Variants in GOLGA8M observed in about 807,000 individuals in gnomAD.
The protein encoded by GOLGA8M is golgin subfamily A member 8M.
In GOLGA8M, 34 loss-of-function variants were observed where a neutral mutation model predicts 87.7. The ratio of observed to expected loss-of-function variants is 0.39; its 90% CI spans 0.29 to 0.52. The LOEUF (loss-of-function observed/expected upper bound fraction) is 0.52. Among genes scored for constraint, GOLGA8M ranks in the 20% least tolerant of loss-of-function variants. GOLGA8M has a pLI of 0.80. For missense variants in GOLGA8M, 396 were observed against 682.2 expected, an observed-to-expected ratio of 0.58 and a Z score of 4.67; for synonymous variants, 138 against 250.2, an observed-to-expected ratio of 0.55 and a Z score of 4.23.
chr15:28,711,914 C>T, intron 1 of GOLGA8M: 2 of 985,054 alleles, frequency 2.0e-6, no homozygotes, highest in Non-Finnish European at 2.4e-6. Context: ...CAGGAGTCAC[C>T]AGCCCAAAGT....
rs548419104 is a variant in GOLGA8M at position 28,711,722 on chromosome 15, A to G, written c.48+554T>C. The G allele has an allele frequency of 1.6e-4, 156 of 985,236 alleles. 1 individual carries two copies. The African/African-American group carries it at 2.5e-3, about 16-fold the overall frequency. The allele number at this position is 985,236 out of a possible 1,614,324, so 61.0% of individuals were successfully genotyped here. On this transcript the variant is annotated intron_variant, in intron 1 of 18. Coordinates refer to ENST00000563027, the MANE Select transcript of GOLGA8M (RefSeq NM_001282468.3). ...ACTAGGTGGGCTGTGACATCACAAC[A>G]TTCCACTCCTCCTGGTCGGGGGGAG...
In GOLGA8M at chr15:28,710,007, G is replaced by A. The variant is rs527391659; in HGVS notation, c.169-419C>T. ...TATACAGATGTGAAAAGAGAGGCCC[G>A]ATGAGGTCTAGCAACTTGCCCTAAA... On this transcript the variant is annotated intron_variant, in intron 2 of 18. Coordinates refer to ENST00000563027, the MANE Select transcript of GOLGA8M (RefSeq NM_001282468.3). Among the ~76,000 whole-genome samples, 9 of 143,492 alleles carry A rather than the reference G, an allele frequency of 6.3e-5. 2 individuals carry two copies. Among genetic ancestry groups the A allele is most frequent in the African/African-American group, 1.6e-4 (6 of 38,086 alleles). 94.1% of individuals were successfully genotyped at this position (143,492 alleles called of 152,430 possible). A position where few individuals can be genotyped will look rare whatever the true frequency, so the allele number is the denominator to read the frequency against.
Position 28,705,226 on chromosome 15 carries a change from T to C in GOLGA8M, c.1133A>G (p.Asn378Ser). ...AKPQSVFEEP[N>S]NENKSTLQLE... ...CTGCAGTGTGCTCTTGTTCTCATTG[T>C]TCTGGACAGAGAGAAGCAATCAGCA... Residue 378 changes from asparagine to serine, a missense_variant and splice_region_variant, in exon 13 of 19, where the codon AAC becomes AGC. Coordinates refer to ENST00000563027, the MANE Select transcript of GOLGA8M (RefSeq NM_001282468.3). 6.3e-7 allele frequency: 1 copy of C among 1,597,608 alleles called. No individual in the cohort carries two copies. The highest frequency in any genetic ancestry group is 1.1e-5 in the South Asian group (1 of 90,980).
chr15:28,712,834 G>A (rs1423092318), upstream of GOLGA8M, among the ~76,000 whole-genome samples: 1 of 152,180 alleles, frequency 6.6e-6, no homozygotes, highest in African/African-American at 2.4e-5. Context: ...AAAATTACCA[G>A]TATTATCTTA....
Position 28,705,155 on chromosome 15 carries a change from T to A in GOLGA8M, c.1200+4A>T, listed in dbSNP as rs1034838697. The A allele has an allele frequency of 1.9e-6, 3 of 1,598,366 alleles. No individual in the cohort carries two copies. The highest frequency in any genetic ancestry group is 3.3e-5 in the Admixed American group (2 of 59,992). On this transcript the variant is annotated splice_donor_region_variant and intron_variant, in intron 13 of 18. Coordinates refer to ENST00000563027, the MANE Select transcript of GOLGA8M (RefSeq NM_001282468.3). ...GATGGGGTGGAGGTTTCCGACTCCT[T>A]CACCTCGCCAAGCTTCTCCTGTAGC... is the stretch of plus-strand genomic sequence containing the variant.
At position 28,698,928 on chromosome 15, in the gene GOLGA8M, A is replaced by C. The variant is rs1272805778; in HGVS notation, c.*3026T>G. 7.0e-6 allele frequency among the ~76,000 whole-genome samples: 1 copy of C among 142,696 alleles called. No homozygotes were observed. Among genetic ancestry groups the C allele is most frequent in the Non-Finnish European group, 1.5e-5 (1 of 67,576 alleles). The allele number at this position is 142,696 out of a possible 152,430, so 93.6% of individuals were successfully genotyped here. On this transcript the variant is annotated 3_prime_UTR_variant, in exon 19 of 19. Coordinates refer to ENST00000563027, the MANE Select transcript of GOLGA8M (RefSeq NM_001282468.3). Reference sequence around the variant, plus strand: ...ATTCTAAGAAAACTTGGCAAATAAAACTTTGGACTGGAATTGGCATTTCTT... The same window carrying C: ...ATTCTAAGAAAACTTGGCAAATAAACCTTTGGACTGGAATTGGCATTTCTT...
At position 28,703,134 on chromosome 15, in the gene GOLGA8M, C is replaced by G. The variant is rs1472420915; in HGVS notation, c.1368+185G>C. On this transcript the variant is annotated intron_variant, in intron 15 of 18. Transcript: ENST00000563027. Reference sequence around the variant, plus strand: ...AATGGGGCAGAGAGGTGGAGCGCAGCCCCTTCCCTTGGGCCCCCAGAGACT... The same window carrying G: ...AATGGGGCAGAGAGGTGGAGCGCAGGCCCTTCCCTTGGGCCCCCAGAGACT... Among the ~76,000 whole-genome samples the G allele has an allele frequency of 2.8e-4, 38 of 133,708 alleles. 3 individuals are homozygous for G. The highest frequency in any genetic ancestry group is 3.4e-4 in the Admixed American group (4 of 11,882). The allele number at this position is 133,708 out of a possible 152,430, so 87.7% of individuals were successfully genotyped here.
rs201754884 is a variant in GOLGA8M, at chr15:28,703,925, G to T, written c.1201-8C>A. On this transcript the variant is annotated splice_polypyrimidine_tract_variant and splice_region_variant and intron_variant, in intron 13 of 18. Coordinates refer to ENST00000563027, the MANE Select transcript of GOLGA8M (RefSeq NM_001282468.3). ...GGCAGCTTCCAGGTGCTCCTAAGGG[G>T]CCAGGAAAGAGTGAGAAGGGATGGA... The T allele has an allele frequency of 3.3e-3, 5,224 of 1,589,170 alleles. 25 individuals carry two copies. The highest frequency in any genetic ancestry group is 4.0e-3 in the Non-Finnish European group (4,751 of 1,176,944).
At position 28,702,091 on chromosome 15, in the gene GOLGA8M, C is replaced by T; in HGVS notation, c.1762G>A (p.Glu588Lys). ...TCAAGGAGAGGATCCTCCCTGGCCT[C>T]TCCTTGGGCAGAGGAGGTGAGGCTC... is the stretch of plus-strand genomic sequence containing the variant. ...EVSLTSSAQG[E>K]AREDPLLDKP... The change falls in exon 19 of 19, where the codon GAG becomes AAG. Residue 588 changes from glutamate to lysine, a missense_variant. Glu to Lys is a moderately conservative substitution (Grantham distance 56, BLOSUM62 1). Around this residue, in one of 12 missense-constraint regions of GOLGA8M, gnomAD observed 35 missense variants for 61.4 expected, o/e 0.57. Coordinates refer to ENST00000563027, the MANE Select transcript of GOLGA8M (RefSeq NM_001282468.3). The T allele has an allele frequency of 6.3e-7, 1 of 1,588,980 alleles. No homozygotes were observed. The highest frequency in any genetic ancestry group is 8.5e-7 in the Non-Finnish European group (1 of 1,175,994).
chr15:28,703,631 C>A, intron 14 of GOLGA8M: 2 of 617,790 alleles, frequency 3.2e-6, no homozygotes, highest in Non-Finnish European at 5.5e-6. Flanking sequence ...TGCTCCCTTT[C>A]TGACCTTGGC....
At chr15:28,705,940 G>A (rs2080011329) in intron 11 of GOLGA8M, among the ~76,000 whole-genome samples, 176 bp downstream of exon 11, 2 of 152,034 alleles carry the variant, frequency 1.3e-5, no homozygotes, top group South Asian at 4.2e-4. Flanking sequence ...TTTGCTGATG[G>A]GGACACTGAG....
At position 28,702,679 on chromosome 15, in the gene GOLGA8M, G is replaced by A. The variant is rs746356143; in HGVS notation, c.1435C>T (p.Arg479Cys). ...CTCTCTTGCCAGTATTGAATGAAGC[G>A]AAGTTCTTGTTTCTTCACAAGCTCA... ...LSELVKKQEL[R>C]FIQYWQERCH... The change falls in exon 16 of 19, where the codon CGC (arginine) becomes TGC (cysteine). Residue 479 changes from arginine (R) to cysteine (C), a missense_variant. Transcript: ENST00000563027. 3.0e-5 allele frequency: 48 copies of A among 1,606,370 alleles called. 2 individuals are homozygous for A. Among genetic ancestry groups the A allele is most frequent in the East Asian group, 1.6e-4 (7 of 44,652 alleles).
At chr15:28,712,584 T>TG (rs540094115), upstream of GOLGA8M, among the ~76,000 whole-genome samples, 15,897 of 146,130 alleles carry the variant, frequency 0.11, 546 homozygotes, top group East Asian at 0.43. Flanking sequence ...AAGCTGCCCA[T>TG]GCGACCGCTC....
chr15:28,706,986 A>G (rs1256539632), intron 8 of GOLGA8M, among the ~76,000 whole-genome samples: 1 of 143,174 alleles, frequency 7.0e-6, no homozygotes, highest in Non-Finnish European at 1.5e-5. Flanking sequence ...ATGCTTCACC[A>G]GATACCATGC....
chr15:28,702,158 G>A (rs2079804833), intron 18 of GOLGA8M, 29 bp from the exon 19 acceptor site: 1 of 1,577,490 alleles, frequency 6.3e-7, no homozygotes, highest in South Asian at 1.1e-5. Flanking sequence ...AGGGATCTGA[G>A]CACAGTGGGA....
Position 28,702,101 on chromosome 15 carries a change from A to G in GOLGA8M, c.1752T>C (p.Ser584=). 6.3e-7 allele frequency: 1 copy of G among 1,585,604 alleles called. No individual in the cohort carries two copies. Among genetic ancestry groups the G allele is most frequent in the East Asian group, 2.2e-5 (1 of 44,454 alleles). The change falls in exon 19 of 19, where the codon TCT becomes TCC. Residue 584 remains serine (S), a synonymous_variant. Transcript: ENST00000563027. The part of the protein sequence containing the change: ...GDLCEVSLTS[S]AQGEAREDPL... Reference sequence around the variant, plus strand: ...GATCCTCCCTGGCCTCTCCTTGGGCAGAGGAGGTGAGGCTCACCTCACAAA... The same window carrying G: ...GATCCTCCCTGGCCTCTCCTTGGGCGGAGGAGGTGAGGCTCACCTCACAAA...
chr15:28,712,435 C>T (rs932799377), upstream of GOLGA8M: 152 of 1,599,076 alleles, frequency 9.5e-5, no homozygotes, highest in South Asian at 2.9e-4. Flanking sequence ...CCAGAGGAGG[C>T]GTAACCAGGG....
Position 28,702,974 on chromosome 15 carries a change from G to A in GOLGA8M, c.1369-229C>T, listed in dbSNP as rs1026499338. 37 of 962,924 alleles carry A rather than the reference G, an allele frequency of 3.8e-5. 3 individuals carry two copies. In the African/African-American group the frequency reaches 5.2e-4, roughly 14 times the overall value. The allele number at this position is 962,924 out of a possible 1,614,324, so 59.6% of individuals were successfully genotyped here. Reference sequence around the variant, plus strand: ...GCCGAGGCCACCGGGTGAGCCAGGCGCTGGCAGCCACCCTCTGCTCTTTCA... The same window carrying A: ...GCCGAGGCCACCGGGTGAGCCAGGCACTGGCAGCCACCCTCTGCTCTTTCA... On this transcript the variant is annotated intron_variant, in intron 15 of 18. Coordinates refer to ENST00000563027, the MANE Select transcript of GOLGA8M (RefSeq NM_001282468.3).
upstream of GOLGA8M, among the ~76,000 whole-genome samples, chr15:28,712,732 T>C (rs1420365340): frequency 3.3e-5 from 5 of 152,242 alleles, no homozygotes; most frequent in South Asian, 6.2e-4. Flanking sequence ...TGTGTGCGTA[T>C]CTATGTTTTT....
Sources: allele counts gnomAD v4.1 joint callset (sites outside exome capture counted in the v4.1 genomes callset), GRCh38; gene constraint gnomAD v4.1.1; regional missense constraint gnomAD v4.1.1; transcripts MANE v1.5; gene names NCBI Gene and HGNC (gene_info 2026-07-23, HGNC 2026-07-21).